Variants in PCDHGA5 observed in about 807,000 individuals in gnomAD.
PCDHGA5 encodes the protein protocadherin gamma-A5.
A neutral mutation model predicts 56.7 loss-of-function variants in PCDHGA5; 36 were observed. The observed-to-expected ratio is 0.64, with a 90% CI of 0.49 to 0.84. PCDHGA5 has a LOEUF of 0.84. Among genes scored for constraint, PCDHGA5 ranks in the 40% least tolerant of loss-of-function variants. The pLI is 0.00. For synonymous variants in PCDHGA5, 563 were observed against 520.2 expected, an observed-to-expected ratio of 1.08 and a Z score of -1.12; for missense variants, 1,305 against 1,201.5, an observed-to-expected ratio of 1.09 and a Z score of -1.27.
Position 141,491,458 on chromosome 5 carries a change from G to C in PCDHGA5, c.2422-3349G>C. 1 of 1,614,092 alleles carries C rather than the reference G, an allele frequency of 6.2e-7. No individual in the cohort carries two copies. The highest frequency in any genetic ancestry group is 8.5e-7 in the Non-Finnish European group (1 of 1,180,022). On this transcript the variant is annotated intron_variant, in intron 1 of 3. Coordinates refer to ENST00000518069, the MANE Select transcript of PCDHGA5 (RefSeq NM_018918.3). The surrounding 1 kb of genome is among the most constrained non-coding windows in gnomAD (Gnocchi z 6.9). Reference sequence around the variant, plus strand: ...CAGGCGCCAGGACTCACCCTCCCCGGACTTCTATAAGCAGTCCAGCCCCAA... The same window carrying C: ...CAGGCGCCAGGACTCACCCTCCCCGCACTTCTATAAGCAGTCCAGCCCCAA...
chr5:141,390,212 C>T (rs2150413972), intron 1 of PCDHGA5: 1 of 1,614,058 alleles, frequency 6.2e-7, no homozygotes, highest in African/African-American at 1.3e-5. Flanking sequence ...CAGGACAAGA[C>T]ATACTTTGCG....
intron 1 of PCDHGA5, chr5:141,478,583 C>CT (rs754743497): frequency 5.7e-6 from 9 of 1,578,146 alleles, no homozygotes; most frequent in South Asian, 1.1e-5. Flanking sequence ...CCTGTTAGTG[C>CT]TTTTTTATTC....
intron 1 of PCDHGA5, chr5:141,422,633 G>A (rs769515606): frequency 1.9e-6 from 3 of 1,613,120 alleles, no homozygotes; most frequent in Non-Finnish European, 2.5e-6. Flanking sequence ...AACCCCAGGG[G>A]TGCCTCCATC....
chr5:141,495,465 G>A (rs563411010), intron 2 of PCDHGA5, among the ~76,000 whole-genome samples: 3 of 152,182 alleles, frequency 2.0e-5, no homozygotes, highest in Non-Finnish European at 2.9e-5. Context: ...TGTCTGTGGG[G>A]TCTCCGTGTC....
At position 141,432,204 on chromosome 5, in the gene PCDHGA5, A is replaced by G. The variant is rs1204867610; in HGVS notation, c.2422-62603A>G. On this transcript the variant is annotated intron_variant, in intron 1 of 3. Coordinates refer to ENST00000518069, the MANE Select transcript of PCDHGA5 (RefSeq NM_018918.3). This position sits in a 1 kb window ranked among gnomAD's most constrained non-coding sequence, Gnocchi z 6.0. ...GTGACCGCCCACGACCCCGACTGTG[A>G]AGAGAACGCCCAGATCACTTATTCC... 1.9e-6 allele frequency: 3 copies of G among 1,614,070 alleles called. No homozygotes were observed. Among genetic ancestry groups the G allele is most frequent in the African/African-American group, 2.7e-5 (2 of 74,928 alleles).
chr5:141,477,296 G>C lies in PCDHGA5; in HGVS notation c.2422-17511G>C. On this transcript the variant is annotated intron_variant, in intron 1 of 3. Transcript: ENST00000518069. This position sits in a 1 kb window ranked among gnomAD's most constrained non-coding sequence, Gnocchi z 4.9. ...GCTGGTGACCTGCGAAGTTCCACCG[G>C]GTCTCCCTTTCAGCCTTACTTCTTC... 3 of 1,614,064 alleles carry C rather than the reference G, an allele frequency of 1.9e-6. No individual in the cohort carries two copies. Among genetic ancestry groups the C allele is most frequent in the African/African-American group, 1.3e-5 (1 of 75,014 alleles).
In PCDHGA5 at chr5:141,490,028, G is replaced by A. The variant is rs752883792; in HGVS notation, c.2422-4779G>A. ...GCACCCATTGGTACTCTGCTGCTCC[G>A]CCTCAATGCCACTGATCCAGACGAG... On this transcript the variant is annotated intron_variant, in intron 1 of 3. Coordinates refer to ENST00000518069, the MANE Select transcript of PCDHGA5 (RefSeq NM_018918.3). The surrounding 1 kb of genome is among the most constrained non-coding windows in gnomAD (Gnocchi z 5.4). 20 of 1,614,070 alleles carry A rather than the reference G, an allele frequency of 1.2e-5. 1 individual carries two copies. Among genetic ancestry groups the A allele is most frequent in the South Asian group, 3.3e-5 (3 of 91,090 alleles).
At chr5:141,457,864 C>T (rs962336979) in intron 1 of PCDHGA5, among the ~76,000 whole-genome samples, 5 of 152,166 alleles carry the variant, frequency 3.3e-5, no homozygotes, top group African/African-American at 4.8e-5. Flanking sequence ...CTTCACTGAC[C>T]ACAGGTTAGG....
intron 1 of PCDHGA5, chr5:141,422,697 C>T (rs1406213402): frequency 3.7e-6 from 6 of 1,603,284 alleles, no homozygotes; most frequent in South Asian, 1.1e-5. Flanking sequence ...TGGTCACTTA[C>T]TCTCTGACGG....
intron 1 of PCDHGA5, chr5:141,399,627 C>T (rs751717107): frequency 1.2e-6 from 2 of 1,613,906 alleles, no homozygotes; most frequent in Non-Finnish European, 1.7e-6. Context: ...TGGCCTCTTA[C>T]GTGTCCATGA....
At chr5:141,377,620 ATT>A (rs1307213511) in intron 1 of PCDHGA5, 1 of 149,664 alleles carries the variant, frequency 6.7e-6, no homozygotes, top group Non-Finnish European at 1.5e-5. Context: ...AAAAAAAAAG[ATT>A]TTGTTTTTTC....
chr5:141,472,045 TA>T (rs1227282207), intron 1 of PCDHGA5, among the ~76,000 whole-genome samples: 3 of 152,170 alleles, frequency 2.0e-5, no homozygotes, highest in Non-Finnish European at 4.4e-5. Flanking sequence ...GAAAAGATTT[TA>T]AAAATGATTG....
chr5:141,498,971 G>GGGAAGGAAGGAAGGAAGGAAGGAA (rs201769957), intron 2 of PCDHGA5, among the ~76,000 whole-genome samples: 2 of 110,972 alleles, frequency 1.8e-5, no homozygotes, highest in African/African-American at 3.6e-5. Context: ...GAGGGAGGGA[G>GGGAAGGAAGGAAGGAAGGAAGGAA]GGAAGGAAGG....
At chr5:141,407,980 C>G in intron 1 of PCDHGA5, 1 of 760,358 alleles carries the variant, frequency 1.3e-6, no homozygotes, top group Non-Finnish European at 2.0e-6. Flanking sequence ...CGCCGGGGAT[C>G]CGTCAGCCTC....
Position 141,476,480 on chromosome 5 carries a change from G to A in PCDHGA5, c.2422-18327G>A, listed in dbSNP as rs761828753. 1 of 1,614,108 alleles carries A rather than the reference G, an allele frequency of 6.2e-7. No individual in the cohort carries two copies. The highest frequency in any genetic ancestry group is 2.2e-5 in the East Asian group (1 of 44,846). On this transcript the variant is annotated intron_variant, in intron 1 of 3. Transcript: ENST00000518069. This position sits in a 1 kb window ranked among gnomAD's most constrained non-coding sequence, Gnocchi z 7.6. ...GAACCCGCTGGAGCTGTTCAGCGTG[G>A]AAGTGGTGATCCAGGACATCAACGA...
At chr5:141,449,202 C>T (rs77980623) in intron 1 of PCDHGA5, among the ~76,000 whole-genome samples, 7,411 of 152,148 alleles carry the variant, frequency 0.049, 284 homozygotes, top group African/African-American at 0.1. Context: ...AGTGTTAATT[C>T]TAACTTTCTG....
At chr5:141,391,287 A>G (rs1429932607) in intron 1 of PCDHGA5, 1 of 152,126 alleles carries the variant, frequency 6.6e-6, no homozygotes, top group Non-Finnish European at 1.5e-5. Flanking sequence ...TTGCTGAAAG[A>G]AGGAAACGTC....
At chr5:141,376,108 G>T in intron 1 of PCDHGA5, 2 of 1,613,770 alleles carry the variant, frequency 1.2e-6, no homozygotes, top group Non-Finnish European at 1.7e-6. Flanking sequence ...TGGCCGACCT[G>T]GGCAGCCTCG....
chr5:141,398,826 C>G (rs755219133), intron 1 of PCDHGA5: 1 of 1,613,824 alleles, frequency 6.2e-7, no homozygotes, highest in South Asian at 1.1e-5. Flanking sequence ...TCCAGGTAAC[C>G]GACGCCAATG....
Sources: allele counts gnomAD v4.1 joint callset (sites outside exome capture counted in the v4.1 genomes callset), GRCh38; gene constraint gnomAD v4.1.1; non-coding constraint Gnocchi (gnomAD v3.1); transcripts MANE v1.5; gene names NCBI Gene and HGNC (gene_info 2026-07-23, HGNC 2026-07-21).